The following TPM1 variants were observed in gnomAD, a reference collection of about 807,000 sequenced individuals.
The protein encoded by TPM1 is tropomyosin alpha-1 chain.
TPM1 carries 24 observed loss-of-function variants against 42.9 expected under a neutral mutation model. That is an observed-to-expected ratio of 0.56 (90% CI 0.41 to 0.79). The LOEUF is 0.79. TPM1 is among the 30% of genes least tolerant of loss of function. The pLI is 0.00. For missense variants in TPM1, 158 were observed against 351.8 expected (o/e 0.45, Z 4.41); for synonymous variants, 136 against 130.1 (o/e 1.05, Z -0.31).
intron 2 of TPM1, chr15:63,049,020 CTG>C (rs2033235384): frequency 2.7e-6 from 1 of 376,768 alleles, no homozygotes; most frequent in South Asian, 2.4e-5. Context: ...TCAGTCGTGT[CTG>C]TGCGTCCCCG....
intron 2 of TPM1, among the ~76,000 whole-genome samples, chr15:63,052,593 T>A (rs2140840921): frequency 6.6e-6 from 1 of 152,206 alleles, no homozygotes; most frequent in East Asian, 1.9e-4. Context: ...TGCAAATAAT[T>A]TGTGTCTGGG....
chr15:63,070,928 G>C, downstream of TPM1: 1 of 1,432,944 alleles, frequency 7.0e-7, no homozygotes, highest in East Asian at 2.7e-5. Flanking sequence ...CCTCCCCTCC[G>C]TCTTAGGTTC....
intron 3 of TPM1, among the ~76,000 whole-genome samples, chr15:63,057,459 T>C (rs1278617616): frequency 6.6e-6 from 1 of 152,186 alleles, no homozygotes; most frequent in Non-Finnish European, 1.5e-5. Context: ...ACAGAGCAAT[T>C]GTGCATTTTT....
chr15:63,042,997 G>A (rs2031476129), intron 1 of TPM1, 54 bp downstream of exon 1: 2 of 1,487,082 alleles, frequency 1.3e-6, no homozygotes, highest in East Asian at 2.5e-5. Flanking sequence ...ACTCGAGCCT[G>A]GCACCCCCGG....
chr15:63,047,711 C>G (rs1227191208), intron 2 of TPM1: 1 of 152,486 alleles, frequency 6.6e-6, no homozygotes, highest in Admixed American at 6.5e-5. Flanking sequence ...TAAAACAATG[C>G]TTGTGTATTT....
intron 1 of TPM1, chr15:63,043,515 A>G (rs923939211): frequency 6.6e-5 from 57 of 867,520 alleles, no homozygotes; most frequent in Non-Finnish European, 1.0e-4. Flanking sequence ...GTCCCAGGGC[A>G]GGTGGGTGTG....
intron 2 of TPM1, chr15:63,048,975 T>G (rs2033223338): frequency 2.0e-6 from 1 of 488,064 alleles, no homozygotes. Flanking sequence ...AAGGAGCATT[T>G]TCCCAGGAAG....
downstream of TPM1, chr15:63,066,289 C>G (rs1030810662): frequency 6.7e-5 from 55 of 824,170 alleles, no homozygotes; most frequent in Middle Eastern, 5.1e-4. Flanking sequence ...AAAAAAATAC[C>G]CAGGCCTGCA....
rs765843551 is a variant in TPM1, at chr15:63,057,077, G to A, written c.333G>A (p.Gln111=). 6 of 1,614,246 alleles carry A rather than the reference G, an allele frequency of 3.7e-6. No homozygotes were observed. In the South Asian group the frequency reaches 5.5e-5, roughly 15 times the overall value. ...RAQERLATAL[Q]KLEEAEKAAD... is the part of the protein sequence containing the mutation. ...AGGAGCGTCTGGCAACAGCTTTGCA[G>A]AAGCTGGAGGAAGCTGAGAAGGCAG... The change falls in exon 3 of 10, where the codon CAG becomes CAA. Residue 111 remains glutamine, a synonymous_variant. Coordinates refer to ENST00000403994, the MANE Select transcript of TPM1 (RefSeq NM_001018005.2).
At chr15:63,043,722 C>T in intron 1 of TPM1, 5 of 1,547,750 alleles carry the variant, frequency 3.2e-6, no homozygotes, top group Non-Finnish European at 4.4e-6. Flanking sequence ...GAGGACATCG[C>T]GGCCAAGGAG....
At chr15:63,055,174 G>A (rs1057201773) in intron 2 of TPM1, among the ~76,000 whole-genome samples, 1 of 152,174 alleles carries the variant, frequency 6.6e-6, no homozygotes, top group African/African-American at 2.4e-5. Context: ...TTTACCAGCT[G>A]TGCACTGATA....
At chr15:63,053,897 G>A (rs1327662174) in intron 2 of TPM1, among the ~76,000 whole-genome samples, 2 of 151,858 alleles carry the variant, frequency 1.3e-5, no homozygotes, top group Non-Finnish European at 2.9e-5. Flanking sequence ...GGTCAGGCTG[G>A]TCTCGAACTC....
At chr15:63,058,546 A>G (rs72743224) in intron 3 of TPM1, among the ~76,000 whole-genome samples, 13,777 of 152,034 alleles carry the variant, frequency 0.091, 1,029 homozygotes, top group East Asian at 0.39. Context: ...TAAATCTACT[A>G]AAAAATAGAA....
chr15:63,065,854 G>A (rs778923598), intron 9 of TPM1, 42 bp from the exon 10 acceptor site: 15 of 1,406,948 alleles, frequency 1.1e-5, no homozygotes, highest in African/African-American at 1.6e-5. Flanking sequence ...TTTTCTCATT[G>A]TGCCACTTTT....
chr15:63,059,921 T>C (rs978657579), intron 4 of TPM1: 1 of 372,228 alleles, frequency 2.7e-6, no homozygotes, highest in Non-Finnish European at 5.2e-6. Flanking sequence ...AAAACTCCTC[T>C]CCCCCAGCCA....
chr15:63,052,611 C>A (rs946943355), intron 2 of TPM1, among the ~76,000 whole-genome samples: 1 of 152,124 alleles, frequency 6.6e-6, no homozygotes, highest in African/African-American at 2.4e-5. Context: ...GGGGTCTTGA[C>A]CCTCCCCAAA....
chr15:63,059,190 C>A (rs1382446422), intron 3 of TPM1, among the ~76,000 whole-genome samples: 1 of 152,186 alleles, frequency 6.6e-6, no homozygotes, highest in African/African-American at 2.4e-5. Flanking sequence ...CAAGCTGAGG[C>A]TTCCCACAGG....
intron 9 of TPM1, chr15:63,064,507 G>T: frequency 9.2e-7 from 1 of 1,092,400 alleles, no homozygotes; most frequent in East Asian, 7.0e-5. Flanking sequence ...ATCAAAATTT[G>T]TTTCCTGAAA....
chr15:63,048,762 G>GCCCCGCAGGGCCCTCCTGCTTCCCC (rs2033113725), intron 2 of TPM1: 3 of 1,510,746 alleles, frequency 2.0e-6, no homozygotes, highest in African/African-American at 2.8e-5. Context: ...TCCCGGGGCA[G>GCCCCGCAGGGCCCTCCTGCTTCCCC]CCCCGCAGGG....
Sources: allele counts gnomAD v4.1 joint callset (sites outside exome capture counted in the v4.1 genomes callset), GRCh38; gene constraint gnomAD v4.1.1; transcripts MANE v1.5; gene names NCBI Gene and HGNC (gene_info 2026-07-23, HGNC 2026-07-21).